CHMP3: variants seen among roughly 807,000 people sequenced by gnomAD.
The protein encoded by CHMP3 is charged multivesicular body protein 3.
A neutral mutation model predicts 27.4 loss-of-function variants in CHMP3; 8 were observed. That is an observed-to-expected ratio of 0.29 (90% CI 0.17 to 0.53). The LOEUF is 0.53. Ranked by LOEUF, CHMP3 falls within the 20% of genes least tolerant of loss-of-function variation. The pLI is 0.96. For missense variants in CHMP3, 208 were observed against 271.5 expected (o/e 0.77, Z 1.64); for synonymous variants, 86 against 85.5 (o/e 1.01, Z -0.03).
intron 2 of CHMP3, among the ~76,000 whole-genome samples, chr2:86,532,331 G>A (rs1208126745): frequency 6.6e-6 from 1 of 151,984 alleles, no homozygotes; most frequent in Non-Finnish European, 1.5e-5. Context: ...AGTTCTAATA[G>A]GTCTTTTTTG....
At chr2:86,542,542 G>A (rs1203347129) in intron 1 of CHMP3, among the ~76,000 whole-genome samples, 1 of 152,134 alleles carries the variant, frequency 6.6e-6, no homozygotes, top group Non-Finnish European at 1.5e-5. Context: ...AGGGCAGGCT[G>A]TAAGCAGCAC....
chr2:86,507,920 G>A (rs532793930), intron 4 of CHMP3, among the ~76,000 whole-genome samples: 198 of 152,272 alleles, frequency 1.3e-3, no homozygotes, highest in African/African-American at 4.5e-3. Flanking sequence ...TATTTCCAGC[G>A]CTGTTTTGGG....
chr2:86,523,186 T>A (rs1434286900), intron 3 of CHMP3, among the ~76,000 whole-genome samples: 1 of 152,088 alleles, frequency 6.6e-6, no homozygotes, highest in African/African-American at 2.4e-5. Flanking sequence ...TCCCAGACCT[T>A]CCTTCCGTGT....
rs987770941 is a variant in CHMP3 at position 86,544,888 on chromosome 2, G to A, written c.46-2576C>T. Among the ~76,000 whole-genome samples the A allele has an allele frequency of 9.2e-5, 14 of 152,070 alleles. No homozygotes were observed. In the South Asian group the frequency reaches 2.5e-3, roughly 27 times the overall value. On this transcript the variant is annotated intron_variant, in intron 1 of 5. Transcript: ENST00000263856. ...GTTGGGTACACTTCCCAGACGGGGC[G>A]ACCGGGCAGAGGCGCTCCTCACTTC...
chr2:86,524,579 A>G (rs780833329), intron 3 of CHMP3, among the ~76,000 whole-genome samples: 2 of 152,210 alleles, frequency 1.3e-5, no homozygotes, highest in Non-Finnish European at 2.9e-5. Flanking sequence ...GTATACAGGA[A>G]GATATGTGTA....
intron 3 of CHMP3, among the ~76,000 whole-genome samples, chr2:86,519,032 G>C (rs1675424722): frequency 6.6e-6 from 1 of 152,024 alleles, no homozygotes; most frequent in Non-Finnish European, 1.5e-5. Flanking sequence ...TGATTGTATA[G>C]ACGTTATAGA....
At chr2:86,543,307 C>T (rs1676433836) in intron 1 of CHMP3, among the ~76,000 whole-genome samples, 1 of 152,036 alleles carries the variant, frequency 6.6e-6, no homozygotes, top group South Asian at 2.1e-4. Flanking sequence ...ATTTATTATG[C>T]AACAACAATT....
In CHMP3 at chr2:86,563,436, A is replaced by T; in HGVS notation, c.-88T>A. 1.3e-6 allele frequency: 2 copies of T among 1,525,156 alleles called. No individual in the cohort carries two copies. Among genetic ancestry groups the T allele is most frequent in the South Asian group, 2.3e-5 (2 of 88,670 alleles). The allele number at this position is 1,525,156 out of a possible 1,614,324, so 94.5% of individuals were successfully genotyped here. On this transcript the variant is annotated 5_prime_UTR_variant, in exon 1 of 6. Transcript: ENST00000263856. ...GCAGCCGCCTGGGCGGGGCCCGCGGAAAAGGAGGTAGTCCCAACCCCCAGA... is the reference window on the plus strand; with the variant it reads ...GCAGCCGCCTGGGCGGGGCCCGCGGTAAAGGAGGTAGTCCCAACCCCCAGA...
intron 2 of CHMP3, among the ~76,000 whole-genome samples, chr2:86,530,374 G>A (rs1409110355): frequency 6.6e-6 from 1 of 151,932 alleles, no homozygotes; most frequent in African/African-American, 2.4e-5. Flanking sequence ...CCTAACTCCT[G>A]GCATCCACCA....
intron 1 of CHMP3, among the ~76,000 whole-genome samples, chr2:86,557,404 C>A (rs1287932150): frequency 6.6e-6 from 1 of 152,206 alleles, no homozygotes; most frequent in Non-Finnish European, 1.5e-5. Context: ...ACCTGGGCCA[C>A]TAACCGGCCT....
chr2:86,529,794 A>C (rs1259043123), intron 2 of CHMP3, among the ~76,000 whole-genome samples: 1 of 152,186 alleles, frequency 6.6e-6, no homozygotes, highest in Non-Finnish European at 1.5e-5. Context: ...ACATATTATA[A>C]GTCTCATACT....
chr2:86,506,531 G>C (rs757667946), intron 5 of CHMP3, among the ~76,000 whole-genome samples: 1 of 151,608 alleles, frequency 6.6e-6, no homozygotes, highest in African/African-American at 2.4e-5. Flanking sequence ...CCATGTTAAC[G>C]AGTATATTTC....
chr2:86,548,501 G>T (rs1459813214), intron 1 of CHMP3, among the ~76,000 whole-genome samples: 1 of 152,052 alleles, frequency 6.6e-6, no homozygotes, highest in African/African-American at 2.4e-5. Flanking sequence ...GCACGGGGTT[G>T]GGGGTAAGGT....
intron 2 of CHMP3, among the ~76,000 whole-genome samples, chr2:86,536,214 G>A (rs1296712739): frequency 6.6e-6 from 1 of 151,026 alleles, no homozygotes; most frequent in Non-Finnish European, 1.5e-5. Context: ...TAGCCGGGAT[G>A]GTCTCGATCT....
At chr2:86,553,116 T>C (rs2104031430) in intron 1 of CHMP3, among the ~76,000 whole-genome samples, 1 of 151,218 alleles carries the variant, frequency 6.6e-6, no homozygotes, top group African/African-American at 2.4e-5. Context: ...GATGGGATGA[T>C]GTGCGCGGCA....
intron 5 of CHMP3, 187 bp downstream of exon 5, chr2:86,507,292 G>T: frequency 1.8e-6 from 1 of 554,702 alleles, no homozygotes; most frequent in Non-Finnish European, 3.2e-6. Context: ...AAAATTTTAA[G>T]AATTGTGTTT....
At chr2:86,517,766 C>T (rs1237686766) in intron 3 of CHMP3, among the ~76,000 whole-genome samples, 3 of 152,074 alleles carry the variant, frequency 2.0e-5, no homozygotes, top group African/African-American at 4.8e-5. Context: ...TAGTGGCTCA[C>T]ACCTGTAATC....
chr2:86,511,303 A>G (rs1675098608), intron 3 of CHMP3: 1 of 152,218 alleles, frequency 6.6e-6, no homozygotes, highest in Admixed American at 6.5e-5. Context: ...AGGGAAAACA[A>G]GAGTGACCAG....
chr2:86,538,856 T>G (rs1291478849), intron 2 of CHMP3, among the ~76,000 whole-genome samples: 1 of 152,198 alleles, frequency 6.6e-6, no homozygotes, highest in African/African-American at 2.4e-5. Context: ...TTCTTTAACT[T>G]GTTATTTAAG....
Sources: allele counts gnomAD v4.1 joint callset (sites outside exome capture counted in the v4.1 genomes callset), GRCh38; gene constraint gnomAD v4.1.1; transcripts MANE v1.5; gene names NCBI Gene and HGNC (gene_info 2026-07-23, HGNC 2026-07-21).